LRCH3: variants seen among roughly 807,000 people sequenced by gnomAD.
LRCH3 encodes the protein leucine rich repeats and calponin homology domain containing 3.
A neutral mutation model predicts 104.5 loss-of-function variants in LRCH3; 68 were observed. The ratio of observed to expected loss-of-function variants is 0.65; its 90% CI spans 0.54 to 0.80. The LOEUF (loss-of-function observed/expected upper bound fraction) is 0.80. LRCH3 is among the 30% of genes least tolerant of loss of function. The pLI is 0.00. For missense variants in LRCH3, 951 were observed against 953.9 expected (o/e 1.00, Z 0.04); for synonymous variants, 344 against 361.3 (o/e 0.95, Z 0.54).
At chr3:197,818,777 A>C (rs922218427) in intron 3 of LRCH3, among the ~76,000 whole-genome samples, 2 of 152,218 alleles carry the variant, frequency 1.3e-5, no homozygotes, top group Non-Finnish European at 2.9e-5. Context: ...TTTGTTTTCT[A>C]CAAAAGAGGT....
rs1407888823 is a variant in LRCH3, at chr3:197,854,203, G to A, written c.1591-189G>A. Among the ~76,000 whole-genome samples the A allele has an allele frequency of 2.6e-5, 4 of 152,218 alleles. No individual in the cohort carries two copies. The highest frequency in any genetic ancestry group is 5.9e-5 in the Non-Finnish European group (4 of 68,040). ...TTGTTTAAACTCTGGGAGAAGATCA[G>A]TACTCAGAACCAACTTACTGACTAT... On this transcript the variant is annotated intron_variant, in intron 13 of 20. Coordinates refer to ENST00000425562, the MANE Select transcript of LRCH3 (RefSeq NM_001365715.1). The surrounding 1 kb of genome is among the most constrained non-coding windows in gnomAD (Gnocchi z 4.5).
chr3:197,849,515 A>G lies in LRCH3; in HGVS notation c.1530+1494A>G, dbSNP rs75611488. ...ATTTTCACACAAGTCATCTAATACT[A>G]TACATACTATATCTCCTAATTTGTC... On this transcript the variant is annotated intron_variant, in intron 12 of 20. Coordinates refer to ENST00000425562, the MANE Select transcript of LRCH3 (RefSeq NM_001365715.1). Among the ~76,000 whole-genome samples, 1,324 of 152,194 alleles carry G rather than the reference A, an allele frequency of 8.7e-3. 11 individuals are homozygous for G. The highest frequency in any genetic ancestry group is 0.012 in the Non-Finnish European group (846 of 68,016).
rs376192844 is a variant in LRCH3 at position 197,814,905 on chromosome 3, T to C, written c.263-3T>C. On this transcript the variant is annotated splice_polypyrimidine_tract_variant and splice_region_variant and intron_variant, in intron 1 of 20. Coordinates refer to ENST00000425562, the MANE Select transcript of LRCH3 (RefSeq NM_001365715.1). ...TTTAAACCTAATTTAATTTTTCTTT[T>C]AGACCTGTCGCGAAATCGCCTTTCA... The C allele has an allele frequency of 3.0e-5, 48 of 1,587,422 alleles. 1 individual carries two copies. Among genetic ancestry groups the C allele is most frequent in the South Asian group, 1.2e-4 (10 of 83,060 alleles).
intron 1 of LRCH3, among the ~76,000 whole-genome samples, chr3:197,805,211 A>G (rs567324890): frequency 6.6e-6 from 1 of 152,258 alleles, no homozygotes; most frequent in Non-Finnish European, 1.5e-5. Context: ...CATTTTTTCA[A>G]GTCATTCAGA....
chr3:197,846,942 T>C (rs1738822257), intron 10 of LRCH3, among the ~76,000 whole-genome samples: 1 of 152,244 alleles, frequency 6.6e-6, no homozygotes, highest in African/African-American at 2.4e-5. Context: ...CCAGAATCTT[T>C]ATTTCTGTGT....
chr3:197,881,906 C>G, intron 20 of LRCH3: 1 of 985,426 alleles, frequency 1.0e-6, no homozygotes, highest in Non-Finnish European at 1.2e-6. Flanking sequence ...AATGGGACAG[C>G]TATTTTCACA....
At chr3:197,864,635 AAAAC>A (rs1181139338) in intron 15 of LRCH3, among the ~76,000 whole-genome samples, 1 of 150,952 alleles carries the variant, frequency 6.6e-6, no homozygotes, top group Non-Finnish European at 1.5e-5. Flanking sequence ...AAAAAACAAA[AAAAC>A]AAAAACTTGG....
chr3:197,803,378 C>G (rs1282003705), intron 1 of LRCH3, among the ~76,000 whole-genome samples: 1 of 152,110 alleles, frequency 6.6e-6, no homozygotes. Context: ...AAATACGCAT[C>G]CCTGGGTGAG....
chr3:197,806,772 G>A (rs1381261254), intron 1 of LRCH3, among the ~76,000 whole-genome samples: 5 of 146,344 alleles, frequency 3.4e-5, no homozygotes, highest in Non-Finnish European at 6.0e-5. Context: ...GGCTGCCCTT[G>A]AACTCCTGAC....
Position 197,812,764 on chromosome 3 carries a change from G to A in LRCH3, c.263-2144G>A, listed in dbSNP as rs576626907. Among the ~76,000 whole-genome samples, 3 of 152,218 alleles carry A rather than the reference G, an allele frequency of 2.0e-5. No homozygotes were observed. The East Asian group carries it at 5.8e-4, about 29-fold the overall frequency. ...TTTTGTGGAGACGGGGTTTCGCCATGTTGGCCAGGCTGGTCTCGAACTCCT... is the reference window on the plus strand; with the variant it reads ...TTTTGTGGAGACGGGGTTTCGCCATATTGGCCAGGCTGGTCTCGAACTCCT... On this transcript the variant is annotated intron_variant, in intron 1 of 20. Coordinates refer to ENST00000425562, the MANE Select transcript of LRCH3 (RefSeq NM_001365715.1).
In LRCH3 at chr3:197,883,779, G is replaced by C. The variant is rs142666410; in HGVS notation, c.*113G>C. 4.5e-6 allele frequency: 5 copies of C among 1,116,656 alleles called. No homozygotes were observed. Among genetic ancestry groups the C allele is most frequent in the Non-Finnish European group, 1.2e-6 (1 of 844,070 alleles). The allele number at this position is 1,116,656 out of a possible 1,614,324, so 69.2% of individuals were successfully genotyped here. A position where few individuals can be genotyped will look rare whatever the true frequency, so the allele number is the denominator to read the frequency against. ...CTCTTGTGTGTTCTCAGAAGGGACC[G>C]TTCCCATGATTCCTAACAGGAATAT... is the stretch of plus-strand genomic sequence containing the variant. On this transcript the variant is annotated 3_prime_UTR_variant, in exon 21 of 21. Transcript: ENST00000425562. The surrounding 1 kb of genome is among the most constrained non-coding windows in gnomAD (Gnocchi z 4.2).
chr3:197,850,351 CTTT>C (rs199876882), intron 12 of LRCH3: 6,392 of 612,842 alleles, frequency 0.01, 82 homozygotes, highest in African/African-American at 0.068. Flanking sequence ...ACCATTTTTT[CTTT>C]TTTTTTTTTT....
At chr3:197,860,731 T>C (rs1740778795) in intron 15 of LRCH3, among the ~76,000 whole-genome samples, 1 of 152,198 alleles carries the variant, frequency 6.6e-6, no homozygotes. Flanking sequence ...CCTCAAGCAT[T>C]TATCCTTTGT....
intron 10 of LRCH3, among the ~76,000 whole-genome samples, chr3:197,845,406 C>CAAAAAAA (rs370414681): frequency 1.2e-5 from 1 of 85,870 alleles, no homozygotes; most frequent in Non-Finnish European, 2.5e-5. Flanking sequence ...GAGACTCTGT[C>CAAAAAAA]AAAAAAAAAA....
Position 197,810,292 on chromosome 3 carries a change from G to C in LRCH3, c.263-4616G>C, listed in dbSNP as rs1049261395. Among the ~76,000 whole-genome samples the C allele has an allele frequency of 6.6e-6, 1 of 152,150 alleles. No individual in the cohort carries two copies. Among genetic ancestry groups the C allele is most frequent in the African/African-American group, 2.4e-5 (1 of 41,430 alleles). On this transcript the variant is annotated intron_variant, in intron 1 of 20. Transcript: ENST00000425562. The surrounding 1 kb of genome is among the most constrained non-coding windows in gnomAD (Gnocchi z 4.0). Reference sequence around the variant, plus strand: ...CTGCCTCAGCCTCCTGAGTAGCTGAGATTACAGGTGCTCACGACCATGCCC... The same window carrying C: ...CTGCCTCAGCCTCCTGAGTAGCTGACATTACAGGTGCTCACGACCATGCCC...
At chr3:197,832,698 T>A (rs1736121737) in intron 8 of LRCH3, among the ~76,000 whole-genome samples, 1 of 151,938 alleles carries the variant, frequency 6.6e-6, no homozygotes, top group South Asian at 2.1e-4. Flanking sequence ...TTTTTTTTTT[T>A]TTTCAGTGTT....
chr3:197,792,605 A>ATATAT (rs1553912026), intron 1 of LRCH3, among the ~76,000 whole-genome samples: 3 of 52,270 alleles, frequency 5.7e-5, no homozygotes, highest in Non-Finnish European at 1.3e-4. Context: ...ATATATATAT[A>ATATAT]AAATATACAT....
rs1195165131 is a variant in LRCH3, at chr3:197,854,976, T to C, written c.1644+531T>C. Among the ~76,000 whole-genome samples, 1 of 152,248 alleles carries C rather than the reference T, an allele frequency of 6.6e-6. No individual in the cohort carries two copies. Among genetic ancestry groups the C allele is most frequent in the Non-Finnish European group, 1.5e-5 (1 of 68,040 alleles). On this transcript the variant is annotated intron_variant, in intron 14 of 20. Transcript: ENST00000425562. The surrounding 1 kb of genome is among the most constrained non-coding windows in gnomAD (Gnocchi z 4.5). ...ACTGCTGATCGTGTTGAACACTGGC[T>C]TACTTTTATTGCCTGTTTCATCAGC...
chr3:197,879,226 C>G lies in LRCH3; in HGVS notation c.2208+3451C>G, dbSNP rs547218622. 1.1e-4 allele frequency among the ~76,000 whole-genome samples: 17 copies of G among 152,200 alleles called. No homozygotes were observed. The Middle Eastern group carries it at 0.014, about 122-fold the overall frequency. ...TAAAGGATGTCTGTCTCCCTGTTGT[C>G]AAGTCCATTCTTGTATTTATTTAAT... On this transcript the variant is annotated intron_variant, in intron 20 of 20. Coordinates refer to ENST00000425562, the MANE Select transcript of LRCH3 (RefSeq NM_001365715.1).
Sources: gnomAD v4.1 joint callset for allele counts (sites outside exome capture counted in the v4.1 genomes callset) on GRCh38, gnomAD v4.1.1 for gene constraint, Gnocchi (gnomAD v3.1) non-coding constraint, MANE v1.5 for transcripts, NCBI Gene and HGNC (gene_info 2026-07-23, HGNC 2026-07-21) for gene names.